The following EEF1E1 variants were observed in gnomAD, a reference collection of about 807,000 sequenced individuals.
EEF1E1 encodes eukaryotic translation elongation factor 1 epsilon-1.
Under a neutral mutation model 19.9 loss-of-function variants are expected in EEF1E1, and 19 were observed. That is an observed-to-expected ratio of 0.95 (90% CI 0.66 to 1.40). The LOEUF is 1.40. EEF1E1 is among the 40% of genes most tolerant of loss of function. The probability of loss-of-function intolerance (pLI) is 0.00; values close to 1 mark genes in which losing one functional copy is unlikely to be tolerated. For synonymous variants in EEF1E1, 81 were observed against 80.0 expected, an observed-to-expected ratio of 1.01 and a Z score of -0.07; for missense variants, 198 against 202.2, an observed-to-expected ratio of 0.98 and a Z score of 0.13.
intron 2 of EEF1E1, among the ~76,000 whole-genome samples, chr6:8,092,356 T>C (rs961313547): frequency 2.0e-5 from 3 of 152,220 alleles, no homozygotes; most frequent in Admixed American, 2.0e-4. Context: ...CTCTTTGAGT[T>C]TGCAAACAAA....
chr6:8,100,958 G>C (rs558968175), intron 1 of EEF1E1, among the ~76,000 whole-genome samples: 52 of 148,808 alleles, frequency 3.5e-4, no homozygotes, highest in Middle Eastern at 3.4e-3. Context: ...AGGCACAGTG[G>C]TTCACGCCTG....
chr6:8,078,648 C>T (rs1175400427), downstream of EEF1E1: 7 of 1,248,662 alleles, frequency 5.6e-6, no homozygotes, highest in Non-Finnish European at 6.2e-6. Context: ...ACACACCTGG[C>T]CTGTGAAGTC....
intron 1 of EEF1E1, chr6:8,102,014 C>T: frequency 8.2e-7 from 1 of 1,222,598 alleles, no homozygotes; most frequent in Non-Finnish European, 1.0e-6. Flanking sequence ...CCAGACCCAG[C>T]ACGGTGCTAC....
chr6:8,084,911 C>T (rs1170318957), intron 3 of EEF1E1, among the ~76,000 whole-genome samples: 1 of 152,134 alleles, frequency 6.6e-6, no homozygotes, highest in Non-Finnish European at 1.5e-5. Flanking sequence ...ATCCTCTTTA[C>T]CTTGCAGGCT....
chr6:8,077,521 G>A (rs1419556327), downstream of EEF1E1, among the ~76,000 whole-genome samples: 1 of 152,186 alleles, frequency 6.6e-6, no homozygotes, highest in Non-Finnish European at 1.5e-5. Context: ...GTTAGCACTT[G>A]CTGCTTCACC....
At chr6:8,089,976 T>C (rs1254976485) in intron 3 of EEF1E1, 1 of 401,686 alleles carries the variant, frequency 2.5e-6, no homozygotes, top group Non-Finnish European at 4.4e-6. Flanking sequence ...AAGACAAAGT[T>C]TTTTTAAATT....
intron 1 of EEF1E1, among the ~76,000 whole-genome samples, chr6:8,098,040 C>A (rs1758220073): frequency 6.6e-6 from 1 of 151,142 alleles, no homozygotes; most frequent in Admixed American, 6.6e-5. Flanking sequence ...TATACAATCT[C>A]AATGACTTAA....
At position 8,102,494 on chromosome 6, in the gene EEF1E1, G is replaced by A. The variant is rs1298905679; in HGVS notation, c.28C>T (p.Leu10=). 6 of 1,612,128 alleles carry A rather than the reference G, an allele frequency of 3.7e-6. No homozygotes were observed. The Admixed American group carries it at 5.0e-5, about 13-fold the overall frequency. The change falls in exon 1 of 4, where the codon CTG becomes TTG. Residue 10 remains leucine (L), a synonymous_variant. Coordinates refer to ENST00000379715, the MANE Select transcript of EEF1E1 (RefSeq NM_004280.5). MAAAAELSL[L]EKSLGLSKGN... Reference sequence around the variant, plus strand: ...TTACTCAGTCCCAGGGACTTCTCCAGTAGCGACAACTCTGCGGCCGCCGCC... The same window carrying A: ...TTACTCAGTCCCAGGGACTTCTCCAATAGCGACAACTCTGCGGCCGCCGCC...
chr6:8,094,267 T>C (rs1315225174), intron 2 of EEF1E1, among the ~76,000 whole-genome samples: 1 of 152,108 alleles, frequency 6.6e-6, no homozygotes, highest in African/African-American at 2.4e-5. Flanking sequence ...TTTAAAAATA[T>C]ATAGCTTTTA....
chr6:8,083,032 C>T (rs1424667383), intron 3 of EEF1E1, among the ~76,000 whole-genome samples: 1 of 152,172 alleles, frequency 6.6e-6, no homozygotes, highest in African/African-American at 2.4e-5. Context: ...TTGCCATTTC[C>T]TGCTTCATGT....
chr6:8,101,337 T>C (rs920010249), intron 1 of EEF1E1, among the ~76,000 whole-genome samples: 3 of 139,700 alleles, frequency 2.1e-5, no homozygotes, highest in Non-Finnish European at 4.5e-5. Flanking sequence ...CCATATATAT[T>C]ATATTTATAC....
chr6:8,088,966 G>C (rs1757943141), intron 3 of EEF1E1, among the ~76,000 whole-genome samples: 1 of 151,692 alleles, frequency 6.6e-6, no homozygotes, highest in African/African-American at 2.4e-5. Context: ...AAGGAACTGA[G>C]CCAGTATGAG....
downstream of EEF1E1, among the ~76,000 whole-genome samples, chr6:8,077,917 A>G (rs1240424337): frequency 1.1e-4 from 17 of 152,156 alleles, no homozygotes; most frequent in Middle Eastern, 3.4e-3. Context: ...TCAGCCTCCC[A>G]AGTAGCTGGG....
In EEF1E1 at chr6:8,096,476, C is replaced by T. The variant is rs150106407; in HGVS notation, c.288+791G>A. Among the ~76,000 whole-genome samples the T allele has an allele frequency of 4.1e-3, 628 of 152,306 alleles. 5 individuals are homozygous for T. The highest frequency in any genetic ancestry group is 0.014 in the Middle Eastern group (4 of 294). ...TTCTCTTGATGGCATCTATCAAGAA[C>T]ACAGTTTGAGCCATTTTCCCCAAAG... is the stretch of plus-strand genomic sequence containing the variant. On this transcript the variant is annotated intron_variant, in intron 2 of 3. Coordinates refer to ENST00000379715, the MANE Select transcript of EEF1E1 (RefSeq NM_004280.5).
chr6:8,101,246 ATATATATATAT>A (rs1561647174), intron 1 of EEF1E1, among the ~76,000 whole-genome samples: 869 of 47,084 alleles, frequency 0.018, 131 homozygotes, highest in African/African-American at 0.028. Flanking sequence ...AAAAAAAAAT[ATATATATATAT>A]ATATATATAT....
At chr6:8,100,761 T>C (rs1250958323) in intron 1 of EEF1E1, among the ~76,000 whole-genome samples, 1 of 151,826 alleles carries the variant, frequency 6.6e-6, no homozygotes, top group East Asian at 1.9e-4. Context: ...AATCTGCTTT[T>C]CTTTACGTAC....
chr6:8,097,344 C>A lies in EEF1E1; in HGVS notation c.211G>T (p.Val71Phe), dbSNP rs143820451. 1 of 1,614,152 alleles carries A rather than the reference C, an allele frequency of 6.2e-7. No individual in the cohort carries two copies. The highest frequency in any genetic ancestry group is 1.7e-5 in the Admixed American group (1 of 60,028). Residue 71 changes from valine to phenylalanine, a missense_variant, in exon 2 of 4, where the codon GTT becomes TTT. Val to Phe is a conservative substitution (Grantham distance 50). Coordinates refer to ENST00000379715, the MANE Select transcript of EEF1E1 (RefSeq NM_004280.5). ...ACCCTGTATTCTAACCACTGCTGAA[C>A]GATTGCTTTTTCTTCTGCAGTACTC... ...LGSTAEEKAI[V>F]QQWLEYRVTQ...
intron 3 of EEF1E1, among the ~76,000 whole-genome samples, chr6:8,089,172 G>A (rs1349372316): frequency 4.6e-5 from 7 of 152,172 alleles, no homozygotes; most frequent in African/African-American, 1.2e-4. Context: ...CTAAGAGGAC[G>A]TAGCTGAAGT....
Position 8,092,868 on chromosome 6 carries a change from G to GTTGT in EEF1E1, c.289-2588_289-2587insACAA, listed in dbSNP as rs1554099258. ...GTTTTGTGTTTTAGTGATAAAGACT[G>GTTGT]CTTTTTTTTTTTTTTTTTTTTTTTG... On this transcript the variant is annotated intron_variant, in intron 2 of 3. Transcript: ENST00000379715. 1.8e-4 allele frequency among the ~76,000 whole-genome samples: 19 copies of GTTGT among 108,198 alleles called. 1 individual carries two copies. Among genetic ancestry groups the GTTGT allele is most frequent in the Non-Finnish European group, 1.5e-4 (8 of 53,750 alleles). The allele number at this position is 108,198 out of a possible 152,430, so 71.0% of individuals were successfully genotyped here.
Sources: allele counts gnomAD v4.1 joint callset (sites outside exome capture counted in the v4.1 genomes callset), GRCh38; gene constraint gnomAD v4.1.1; transcripts MANE v1.5; gene names NCBI Gene and HGNC (gene_info 2026-07-23, HGNC 2026-07-21).